PAM: variants seen among roughly 807,000 people sequenced by gnomAD.
PAM encodes the protein peptidylglycine alpha-amidating monooxygenase.
Under a neutral mutation model 122.1 loss-of-function variants are expected in PAM, and 72 were observed. The observed-to-expected ratio is 0.59, with a 90% CI of 0.49 to 0.72. PAM has a LOEUF of 0.72. Among genes scored for constraint, PAM ranks in the 30% least tolerant of loss-of-function variants. PAM has a pLI of 0.00. For synonymous variants in PAM, 389 were observed against 404.4 expected, an observed-to-expected ratio of 0.96 and a Z score of 0.46; for missense variants, 1,106 against 1,183.7, an observed-to-expected ratio of 0.93 and a Z score of 0.96.
At chr5:102,912,801 G>T (rs966706819) in intron 4 of PAM, among the ~76,000 whole-genome samples, 4 of 151,872 alleles carry the variant, frequency 2.6e-5, no homozygotes, top group African/African-American at 9.7e-5. Context: ...AAAACTTCAA[G>T]ATTTGATTTT....
In PAM at chr5:102,991,551, A is replaced by G. The variant is rs1215849473; in HGVS notation, c.1613+1150A>G. Among the ~76,000 whole-genome samples, 3 of 152,254 alleles carry G rather than the reference A, an allele frequency of 2.0e-5. No individual in the cohort carries two copies. The East Asian group carries it at 5.8e-4, about 29-fold the overall frequency. On this transcript the variant is annotated intron_variant, in intron 16 of 25. Transcript: ENST00000438793. ...CAGAGATGTTGATTAAATTTATGTTAAACCTGGTTCTGTCACGTATGCATA... is the reference window on the plus strand; with the variant it reads ...CAGAGATGTTGATTAAATTTATGTTGAACCTGGTTCTGTCACGTATGCATA...
At chr5:103,024,567 G>A (rs1784443008) in intron 23 of PAM, among the ~76,000 whole-genome samples, 1 of 151,994 alleles carries the variant, frequency 6.6e-6, no homozygotes, top group African/African-American at 2.4e-5. Context: ...AAAATTAATT[G>A]AACATGAAAA....
chr5:103,007,989 A>T (rs543897331), intron 20 of PAM, among the ~76,000 whole-genome samples: 2 of 152,226 alleles, frequency 1.3e-5, no homozygotes, highest in African/African-American at 4.8e-5. Context: ...CAAATGGTAT[A>T]TGTCTGATAA....
chr5:102,885,248 A>C (rs1265161200), intron 3 of PAM, among the ~76,000 whole-genome samples: 3 of 151,946 alleles, frequency 2.0e-5, no homozygotes, highest in African/African-American at 7.2e-5. Context: ...TGGGAATAAC[A>C]ATTATTTCAT....
At position 102,758,068 on chromosome 5, in the gene PAM, ATTTTGTTTTTTTTTTTTTTTTTTTT is replaced by A. The variant is rs1751065672; in HGVS notation, c.-374+2725_-374+2749del. On this transcript the variant is annotated intron_variant, in intron 1 of 25. Coordinates refer to ENST00000438793, the MANE Select transcript of PAM (RefSeq NM_001177306.2). Reference sequence around the variant, plus strand: ...AAAAAAAAAAAAAAAAAGACTTAGAATTTTGTTTTTTTTTTTTTTTTTTTTTTTTTTTTTTTTTTTCTTGGGGCAA... The same window carrying A: ...AAAAAAAAAAAAAAAAAGACTTAGAATTTTTTTTTTTTTTTCTTGGGGCAA... Among the ~76,000 whole-genome samples, 396 of 87,638 alleles carry A rather than the reference ATTTTGTTTTTTTTTTTTTTTTTTTT, an allele frequency of 4.5e-3. 6 individuals are homozygous for A. Among genetic ancestry groups the A allele is most frequent in the African/African-American group, 0.016 (376 of 23,118 alleles). The allele number at this position is 87,638 out of a possible 152,430, so 57.5% of individuals were successfully genotyped here.
chr5:102,879,730 A>G (rs533758243), intron 3 of PAM, among the ~76,000 whole-genome samples: 48 of 152,286 alleles, frequency 3.2e-4, no homozygotes, highest in African/African-American at 1.2e-3. Flanking sequence ...ACCTAGTCTC[A>G]GGTAGTTCTT....
chr5:102,843,517 T>C (rs897665998), intron 1 of PAM, among the ~76,000 whole-genome samples: 2 of 152,166 alleles, frequency 1.3e-5, no homozygotes, highest in South Asian at 4.1e-4. Flanking sequence ...TTGGAGTTCA[T>C]CAAAGCTAAA....
chr5:103,029,450 C>A lies in PAM; in HGVS notation c.*385C>A, dbSNP rs550959971. ...TCATTGCCAGTGTCTTTCTTTGGTG[C>A]CTTTCCTGTTCAGCATTCTTAGCCT... On this transcript the variant is annotated 3_prime_UTR_variant, in exon 26 of 26. Coordinates refer to ENST00000438793, the MANE Select transcript of PAM (RefSeq NM_001177306.2). 112 of 159,312 alleles carry A rather than the reference C, an allele frequency of 7.0e-4. No homozygotes were observed. Among genetic ancestry groups the A allele is most frequent in the African/African-American group, 2.5e-3 (103 of 41,828 alleles). The allele number at this position is 159,312 out of a possible 1,614,324, so 9.9% of individuals were successfully genotyped here.
intron 1 of PAM, among the ~76,000 whole-genome samples, chr5:102,834,865 C>T (rs1418635910): frequency 6.7e-6 from 1 of 149,636 alleles, no homozygotes; most frequent in Non-Finnish European, 1.5e-5. Context: ...TTGTAAGGTA[C>T]CAACGGCAAA....
intron 12 of PAM, among the ~76,000 whole-genome samples, chr5:102,953,382 GA>G (rs747249295): frequency 3.3e-5 from 5 of 152,140 alleles, no homozygotes; most frequent in Non-Finnish European, 5.9e-5. Flanking sequence ...CCTTTACAAG[GA>G]GGGGGGGGAA....
intron 24 of PAM, among the ~76,000 whole-genome samples, chr5:103,027,474 C>G (rs557526438): frequency 6.6e-6 from 1 of 152,214 alleles, no homozygotes; most frequent in East Asian, 1.9e-4. Context: ...GGAAATAGTA[C>G]AGGGAGAGAC....
chr5:102,903,733 G>A (rs983728038), intron 4 of PAM, among the ~76,000 whole-genome samples: 1 of 151,518 alleles, frequency 6.6e-6, no homozygotes, highest in Admixed American at 6.6e-5. Context: ...CTTTTTACTA[G>A]CTATGTATTA....
At chr5:102,801,937 C>T (rs898180334) in intron 1 of PAM, among the ~76,000 whole-genome samples, 30 of 150,964 alleles carry the variant, frequency 2.0e-4, no homozygotes, top group African/African-American at 7.1e-4. Flanking sequence ...CGCCACCACG[C>T]CCGGCTAATT....
intron 7 of PAM, among the ~76,000 whole-genome samples, chr5:102,934,608 G>A (rs1752662773): frequency 6.6e-6 from 1 of 152,084 alleles, no homozygotes; most frequent in African/African-American, 2.4e-5. Flanking sequence ...ATGGGGATAG[G>A]GACACAAACC....
chr5:102,886,556 A>C (rs1793165126), intron 3 of PAM, among the ~76,000 whole-genome samples: 1 of 151,936 alleles, frequency 6.6e-6, no homozygotes, highest in Non-Finnish European at 1.5e-5. Flanking sequence ...AATGTTACAG[A>C]ATACGTATTC....
At chr5:102,876,213 T>G (rs534718079) in intron 3 of PAM, among the ~76,000 whole-genome samples, 2 of 152,260 alleles carry the variant, frequency 1.3e-5, no homozygotes, top group African/African-American at 4.8e-5. Flanking sequence ...GTCTTCCAAA[T>G]ATCTTCCAAA....
At chr5:103,000,036 A>C (rs1424340087) in intron 16 of PAM, among the ~76,000 whole-genome samples, 1 of 152,286 alleles carries the variant, frequency 6.6e-6, no homozygotes, top group Non-Finnish European at 1.5e-5. Flanking sequence ...TCACATCATC[A>C]GGCTGCAAAT....
chr5:102,951,862 A>G (rs1414428736), intron 12 of PAM, among the ~76,000 whole-genome samples: 4 of 152,126 alleles, frequency 2.6e-5, no homozygotes, highest in Admixed American at 2.0e-4. Flanking sequence ...TAAATTTGGC[A>G]AAGAGACTTC....
intron 21 of PAM, among the ~76,000 whole-genome samples, chr5:103,016,766 T>A (rs1449577869): frequency 2.0e-5 from 3 of 152,196 alleles, no homozygotes; most frequent in Non-Finnish European, 4.4e-5. Context: ...TTCAAGAGTA[T>A]AAAACCCCAC....
Sources: allele counts gnomAD v4.1 joint callset (sites outside exome capture counted in the v4.1 genomes callset), GRCh38; gene constraint gnomAD v4.1.1; transcripts MANE v1.5; gene names NCBI Gene and HGNC (gene_info 2026-07-23, HGNC 2026-07-21).